The following SLC38A10 variants were observed in gnomAD, a reference collection of about 807,000 sequenced individuals.
SLC38A10 encodes the protein Sodium-coupled neutral amino acid transporter 10.
In SLC38A10, 53 loss-of-function variants were observed where a neutral mutation model predicts 81.0. That is an observed-to-expected ratio of 0.65 (90% CI 0.53 to 0.82). The LOEUF (loss-of-function observed/expected upper bound fraction) is 0.82. SLC38A10 is among the 40% of genes least tolerant of loss of function. SLC38A10 has a pLI of 0.00. For synonymous variants in SLC38A10, 665 were observed against 655.3 expected (o/e 1.01, Z -0.23); for missense variants, 1,471 against 1,545.0 (o/e 0.95, Z 0.80).
At chr17:81,260,195 G>T in intron 11 of SLC38A10, 43 bp downstream of exon 11, 1 of 1,556,800 alleles carries the variant, frequency 6.4e-7, no homozygotes, top group Admixed American at 1.9e-5. Flanking sequence ...ACACCCAGTG[G>T]GCACTTGCCC....
At chr17:81,256,463 C>T (rs892735894) in intron 11 of SLC38A10, among the ~76,000 whole-genome samples, 1 of 152,230 alleles carries the variant, frequency 6.6e-6, no homozygotes. Flanking sequence ...CGGCTTGGAC[C>T]CGCCATGGCT....
intron 1 of SLC38A10, among the ~76,000 whole-genome samples, chr17:81,292,500 C>T (rs2063319288): frequency 6.6e-6 from 1 of 152,038 alleles, no homozygotes; most frequent in Admixed American, 6.5e-5. Context: ...AATGCCAAGG[C>T]TGCCAAACAC....
In SLC38A10 at chr17:81,245,835, C is replaced by G. The variant is rs190816906; in HGVS notation, c.3081G>C (p.Pro1027=). ...TGGCATTGTCCGGCCTCTGGCCCCC[C>G]GGGACAGCTCGTTTGAGCCCCAGCT... ...EPELGLKRAV[P]GGQRPDNAKP... is the part of the protein sequence containing the mutation. The change falls in exon 16 of 16, where the codon CCG becomes CCC. Residue 1027 remains proline, a synonymous_variant. Transcript: ENST00000374759. 260 of 1,611,854 alleles carry G rather than the reference C, an allele frequency of 1.6e-4. No individual in the cohort carries two copies. In the African/African-American group the frequency reaches 3.2e-3, roughly 20 times the overall value.
intron 11 of SLC38A10, among the ~76,000 whole-genome samples, chr17:81,257,366 G>T (rs2062982156): frequency 1.3e-5 from 2 of 152,204 alleles, no homozygotes. Flanking sequence ...ACAGTGCTGA[G>T]ATTCCAGGTG....
rs887440519 is a variant in SLC38A10, at chr17:81,249,382, G to A, written c.2065+2111C>T. Among the ~76,000 whole-genome samples, 65 of 42,472 alleles carry A rather than the reference G, an allele frequency of 1.5e-3. 1 individual carries two copies. Among genetic ancestry groups the A allele is most frequent in the Non-Finnish European group, 2.1e-3 (39 of 18,298 alleles). 27.9% of individuals were successfully genotyped at this position (42,472 alleles called of 152,430 possible). ...GAGGAGGAGGGAGGGAAGAGGAGCA[G>A]GAGGGAGGGAAGAGGAGGATGAAGG... On this transcript the variant is annotated intron_variant, in intron 14 of 15. Coordinates refer to ENST00000374759, the MANE Select transcript of SLC38A10 (RefSeq NM_001037984.3).
rs1255454493 is a variant in SLC38A10 at position 81,252,352 on chromosome 17, C to T, written c.1788G>A (p.Leu596=). Residue 596 remains leucine (L), a synonymous_variant, in exon 13 of 16, where the codon CTG becomes CTA. Transcript: ENST00000374759. The part of the protein sequence containing the change: ...QPAVQPAKED[L]GPGDRGLHPR... The stretch of plus-strand genomic sequence containing the variant: ...GATGCAGGCCCCTGTCTCCTGGCCC[C>T]AGGTCCTCCTTTGCAGGCTGGACAG... 6.2e-7 allele frequency: 1 copy of T among 1,613,110 alleles called. No homozygotes were observed. Among genetic ancestry groups the T allele is most frequent in the Non-Finnish European group, 8.5e-7 (1 of 1,179,952 alleles).
chr17:81,252,713 A>G, intron 12 of SLC38A10, 30 bp from the exon 13 acceptor site: 1 of 1,554,390 alleles, frequency 6.4e-7, no homozygotes, highest in Non-Finnish European at 8.6e-7. Context: ...AGATGGGGTC[A>G]GGCTGAGGCC....
rs2063245826 is a variant in SLC38A10 at position 81,284,527 on chromosome 17, GC to G, written c.263+322del. Among the ~76,000 whole-genome samples, 3 of 152,222 alleles carry G rather than the reference GC, an allele frequency of 2.0e-5. No individual in the cohort carries two copies. The South Asian group carries it at 6.2e-4, about 32-fold the overall frequency. ...ATTTTTTCATCTCATGAAATTTTAT[GC>G]CAAAGGAAGAAAAATATGACATTTG... On this transcript the variant is annotated intron_variant, in intron 3 of 15. Coordinates refer to ENST00000374759, the MANE Select transcript of SLC38A10 (RefSeq NM_001037984.3).
chr17:81,251,044 A>T (rs748036710), intron 14 of SLC38A10: 14 of 1,435,456 alleles, frequency 9.8e-6, no homozygotes, highest in Non-Finnish European at 1.3e-5. Flanking sequence ...GGGCACAGCC[A>T]CCCCCAAACT....
Position 81,288,509 on chromosome 17 carries a change from G to C in SLC38A10, c.217+1182C>G, listed in dbSNP as rs1029849789. Among the ~76,000 whole-genome samples, 5 of 152,246 alleles carry C rather than the reference G, an allele frequency of 3.3e-5. No individual in the cohort carries two copies. The highest frequency in any genetic ancestry group is 1.2e-4 in the African/African-American group (5 of 41,472). On this transcript the variant is annotated intron_variant, in intron 2 of 15. Coordinates refer to ENST00000374759, the MANE Select transcript of SLC38A10 (RefSeq NM_001037984.3). The surrounding 1 kb of genome is among the most constrained non-coding windows in gnomAD (Gnocchi z 5.4). ...CCCAGAATGGAACGTGGAGCCGAGA[G>C]GTGCCGAGCCTGTGGCGGGCAGGGA...
chr17:81,269,219 A>G (rs1346860036), intron 10 of SLC38A10, among the ~76,000 whole-genome samples: 1 of 152,242 alleles, frequency 6.6e-6, no homozygotes, highest in Non-Finnish European at 1.5e-5. Context: ...AGATGATTAA[A>G]AAATCCATAA....
Position 81,283,658 on chromosome 17 carries a change from G to A in SLC38A10, c.264-156C>T, listed in dbSNP as rs1014782444. On this transcript the variant is annotated intron_variant, in intron 3 of 15. Coordinates refer to ENST00000374759, the MANE Select transcript of SLC38A10 (RefSeq NM_001037984.3). This position sits in a 1 kb window ranked among gnomAD's most constrained non-coding sequence, Gnocchi z 4.7. The stretch of plus-strand genomic sequence containing the variant: ...AAACAGAGTCTCACTCTGTCGCCCA[G>A]GCTGGAGTGCAATGGTGAGATCTCG... 5.3e-5 allele frequency among the ~76,000 whole-genome samples: 8 copies of A among 150,748 alleles called. No homozygotes were observed. Among genetic ancestry groups the A allele is most frequent in the African/African-American group, 1.7e-4 (7 of 40,882 alleles).
intron 11 of SLC38A10, among the ~76,000 whole-genome samples, chr17:81,259,480 T>A (rs2063001806): frequency 6.6e-6 from 1 of 152,172 alleles, no homozygotes; most frequent in Admixed American, 6.5e-5. Context: ...CTGGTGCCAC[T>A]CAGAGCTCGT....
rs1021726519 is a variant in SLC38A10, at chr17:81,280,957, C to G, written c.502-224G>C. ...ATTCCCAACCCCTGCCTCAGAGCAC[C>G]CTGGTTCATCCCGCGGGCACCAGAG... On this transcript the variant is annotated intron_variant, in intron 5 of 15. Transcript: ENST00000374759. Among the ~76,000 whole-genome samples the G allele has an allele frequency of 3.3e-5, 5 of 152,218 alleles. No individual in the cohort carries two copies. In the South Asian group the frequency reaches 1.0e-3, roughly 32 times the overall value.
Position 81,283,336 on chromosome 17 carries a change from G to T in SLC38A10, c.357+73C>A. 1 of 1,388,834 alleles carries T rather than the reference G, an allele frequency of 7.2e-7. No individual in the cohort carries two copies. Among genetic ancestry groups the T allele is most frequent in the East Asian group, 2.5e-5 (1 of 40,446 alleles). The allele number at this position is 1,388,834 out of a possible 1,614,324, so 86.0% of individuals were successfully genotyped here. A position where few individuals can be genotyped will look rare whatever the true frequency, so the allele number is the denominator to read the frequency against. On this transcript the variant is annotated intron_variant, in intron 4 of 15. Coordinates refer to ENST00000374759, the MANE Select transcript of SLC38A10 (RefSeq NM_001037984.3). This position sits in a 1 kb window ranked among gnomAD's most constrained non-coding sequence, Gnocchi z 4.7. ...GACCAGCACCCAGGTCTCGGTCCTC[G>T]GGAGGATCCCACAGAGGGCCTCAGA...
rs745623544 is a variant in SLC38A10 at position 81,252,459 on chromosome 17, G to T, written c.1681C>A (p.Pro561Thr). 1.2e-6 allele frequency: 2 copies of T among 1,613,264 alleles called. No homozygotes were observed. Among genetic ancestry groups the T allele is most frequent in the Non-Finnish European group, 1.7e-6 (2 of 1,179,980 alleles). ...EPEQGEVGKR[P>T]GQAQALEEAG... ...TCCTCCAAGGCCTGGGCCTGTCCAG[G>T]CCTCTTCCCAACCTCTCCCTGCTCC... Residue 561 changes from proline (P) to threonine (T), a missense_variant, in exon 13 of 16, where the codon CCT becomes ACT. Pro to Thr is a conservative substitution (Grantham distance 38). Around this residue, in one of 2 missense-constraint regions of SLC38A10, gnomAD observed 720 missense variants for 827.7 expected, o/e 0.87. Coordinates refer to ENST00000374759, the MANE Select transcript of SLC38A10 (RefSeq NM_001037984.3).
chr17:81,280,190 C>G (rs145225009), intron 6 of SLC38A10: 1 of 450,864 alleles, frequency 2.2e-6, no homozygotes, highest in Non-Finnish European at 4.5e-6. Context: ...CAGGCTCGCG[C>G]GCACATGCAG....
chr17:81,285,088 A>G lies in SLC38A10; in HGVS notation c.218-193T>C. 8.6e-6 allele frequency: 4 copies of G among 465,434 alleles called. No individual in the cohort carries two copies. In the South Asian group the frequency reaches 1.7e-4, roughly 20 times the overall value. The allele number at this position is 465,434 out of a possible 1,614,324, so 28.8% of individuals were successfully genotyped here. On this transcript the variant is annotated intron_variant, in intron 2 of 15. Coordinates refer to ENST00000374759, the MANE Select transcript of SLC38A10 (RefSeq NM_001037984.3). Reference sequence around the variant, plus strand: ...TACTGTCTGCAAATGAAACTACAAGAAACAAAGACAGAGCAAGGGAAGGAC... The same window carrying G: ...TACTGTCTGCAAATGAAACTACAAGGAACAAAGACAGAGCAAGGGAAGGAC...
chr17:81,262,533 G>A (rs1336804333), intron 10 of SLC38A10, among the ~76,000 whole-genome samples: 1 of 152,210 alleles, frequency 6.6e-6, no homozygotes, highest in African/African-American at 2.4e-5. Context: ...AGCTGAGGGT[G>A]GACAGAAATG....
Sources: gnomAD v4.1 joint callset for allele counts (sites outside exome capture counted in the v4.1 genomes callset) on GRCh38, gnomAD v4.1.1 for gene constraint, gnomAD v4.1.1 regional missense constraint, Gnocchi (gnomAD v3.1) non-coding constraint, MANE v1.5 for transcripts, NCBI Gene and HGNC (gene_info 2026-07-23, HGNC 2026-07-21) for gene names.